The following ADCY9 variants were observed in gnomAD, a reference collection of about 807,000 sequenced individuals.
ADCY9 encodes the protein adenylate cyclase type 9.
Under a neutral mutation model 101.5 loss-of-function variants are expected in ADCY9, and 50 were observed. The ratio of observed to expected loss-of-function variants is 0.49; its 90% CI spans 0.39 to 0.62. The LOEUF (loss-of-function observed/expected upper bound fraction) is 0.62. Among genes scored for constraint, ADCY9 ranks in the 20% least tolerant of loss-of-function variants. The pLI, the probability that ADCY9 is intolerant of heterozygous loss-of-function variation, is 0.00. For missense variants in ADCY9, 1,662 were observed against 1,800.4 expected, an observed-to-expected ratio of 0.92 and a Z score of 1.39; for synonymous variants, 905 against 769.3, an observed-to-expected ratio of 1.18 and a Z score of -2.92.
intron 2 of ADCY9, among the ~76,000 whole-genome samples, chr16:4,074,804 G>C (rs763444194): frequency 7.9e-5 from 12 of 151,856 alleles, no homozygotes; most frequent in Admixed American, 6.6e-4. Flanking sequence ...AAAGCAGTTC[G>C]GTATTTCTTT....
chr16:4,086,988 C>G (rs1385571184), intron 2 of ADCY9, among the ~76,000 whole-genome samples: 1 of 150,696 alleles, frequency 6.6e-6, no homozygotes, highest in Non-Finnish European at 1.5e-5. Flanking sequence ...CTCCCCTAAT[C>G]AAGGTGCTGC....
intron 3 of ADCY9, among the ~76,000 whole-genome samples, chr16:3,996,830 C>G (rs1309117804): frequency 1.3e-5 from 2 of 152,112 alleles, no homozygotes; most frequent in Non-Finnish European, 2.9e-5. Context: ...ATTTTTCTTG[C>G]CTCAAGTTCA....
intron 2 of ADCY9, among the ~76,000 whole-genome samples, chr16:4,034,674 C>T (rs2056577960): frequency 6.6e-6 from 1 of 152,222 alleles, no homozygotes; most frequent in Non-Finnish European, 1.5e-5. Flanking sequence ...CTACCTCAGC[C>T]TCCCAAAGCG....
At chr16:4,025,292 T>C (rs2056506876) in intron 2 of ADCY9, among the ~76,000 whole-genome samples, 1 of 149,950 alleles carries the variant, frequency 6.7e-6, no homozygotes, top group Non-Finnish European at 1.5e-5. Flanking sequence ...AGAATTGCCT[T>C]GAACCCGGGA....
At chr16:4,005,454 C>T (rs2056360776) in intron 3 of ADCY9, among the ~76,000 whole-genome samples, 1 of 152,178 alleles carries the variant, frequency 6.6e-6, no homozygotes, top group Non-Finnish European at 1.5e-5. Flanking sequence ...GTCTGGAAAT[C>T]CTAGCCTCAG....
intron 2 of ADCY9, among the ~76,000 whole-genome samples, chr16:4,078,214 A>T (rs1375408965): frequency 6.6e-6 from 1 of 152,212 alleles, no homozygotes; most frequent in South Asian, 2.1e-4. Flanking sequence ...ATAATAGCCA[A>T]GAACTGCAAG....
intron 2 of ADCY9, among the ~76,000 whole-genome samples, chr16:4,074,740 A>T (rs961995981): frequency 1.4e-5 from 2 of 146,176 alleles, no homozygotes; most frequent in African/African-American, 2.6e-5. Flanking sequence ...AATAGAAAAC[A>T]CACTAGCAAA....
chr16:3,976,044 T>A (rs2056090044), intron 9 of ADCY9, among the ~76,000 whole-genome samples: 1 of 152,184 alleles, frequency 6.6e-6, no homozygotes, highest in Admixed American at 6.5e-5. Flanking sequence ...CAGGCTGGAG[T>A]GCAGTGGCGC....
intron 2 of ADCY9, among the ~76,000 whole-genome samples, chr16:4,076,653 T>C (rs1269226956): frequency 1.5e-5 from 2 of 133,426 alleles, no homozygotes; most frequent in Non-Finnish European, 3.4e-5. Flanking sequence ...CTGTGATCGC[T>C]AGAAGATAGA....
intron 2 of ADCY9, among the ~76,000 whole-genome samples, chr16:4,079,607 T>C (rs1251934640): frequency 3.9e-5 from 6 of 152,188 alleles, no homozygotes; most frequent in Non-Finnish European, 8.8e-5. Flanking sequence ...AAGATGTACA[T>C]ACAGATTTAA....
At chr16:4,079,564 G>A (rs1156400614) in intron 2 of ADCY9, among the ~76,000 whole-genome samples, 1 of 151,918 alleles carries the variant, frequency 6.6e-6, no homozygotes, top group African/African-American at 2.4e-5. Context: ...GCAAGACTCT[G>A]TCTCAAAAAA....
intron 6 of ADCY9, among the ~76,000 whole-genome samples, chr16:3,986,981 C>T (rs2056198596): frequency 6.6e-6 from 1 of 152,228 alleles, no homozygotes; most frequent in South Asian, 2.1e-4. Context: ...CTGGCCCCTG[C>T]CACGTCCTGC....
chr16:4,060,858 G>C (rs2056769886), intron 2 of ADCY9, among the ~76,000 whole-genome samples: 1 of 152,114 alleles, frequency 6.6e-6, no homozygotes, highest in African/African-American at 2.4e-5. Context: ...ACTCAGGCAA[G>C]AGTCATAACT....
intron 2 of ADCY9, among the ~76,000 whole-genome samples, chr16:4,022,962 T>A (rs1477931306): frequency 6.6e-6 from 1 of 152,186 alleles, no homozygotes; most frequent in Non-Finnish European, 1.5e-5. Context: ...TTAATCTCAG[T>A]ACTGTAGTAC....
chr16:4,053,365 TCA>T (rs756954342), intron 2 of ADCY9, among the ~76,000 whole-genome samples: 7 of 152,200 alleles, frequency 4.6e-5, no homozygotes, highest in Non-Finnish European at 1.0e-4. Flanking sequence ...CCAGGTGCTT[TCA>T]CAGTCGTTTT....
intron 2 of ADCY9, among the ~76,000 whole-genome samples, chr16:4,072,700 A>C (rs1053393556): frequency 1.3e-5 from 2 of 152,350 alleles, no homozygotes; most frequent in Admixed American, 1.3e-4. Flanking sequence ...TAAACATAAT[A>C]AAAGACATCA....
chr16:4,107,550 CA>C (rs61565312), intron 2 of ADCY9, among the ~76,000 whole-genome samples: 77 of 72,838 alleles, frequency 1.1e-3, no homozygotes, highest in African/African-American at 3.4e-3. Flanking sequence ...GACTCTGTCT[CA>C]AAAAAAAAAA....
At chr16:4,053,299 T>A (rs1015383231) in intron 2 of ADCY9, among the ~76,000 whole-genome samples, 1 of 152,156 alleles carries the variant, frequency 6.6e-6, no homozygotes. Flanking sequence ...ACATCTAAGA[T>A]TAACAGTGAA....
intron 2 of ADCY9, among the ~76,000 whole-genome samples, chr16:4,022,704 G>A (rs2056486312): frequency 6.6e-6 from 1 of 152,062 alleles, no homozygotes; most frequent in South Asian, 2.1e-4. Context: ...TGAAGCAGAA[G>A]GATTGCTTGA....
Sources: gnomAD v4.1 joint callset for allele counts (sites outside exome capture counted in the v4.1 genomes callset) on GRCh38, gnomAD v4.1.1 for gene constraint, MANE v1.5 for transcripts, NCBI Gene and HGNC (gene_info 2026-07-23, HGNC 2026-07-21) for gene names.